ADGRF1: variants seen among roughly 807,000 people sequenced by gnomAD.
The protein encoded by ADGRF1 is G protein-coupled receptor 110.
A neutral mutation model predicts 87.2 loss-of-function variants in ADGRF1; 85 were observed. The ratio of observed to expected loss-of-function variants is 0.97; its 90% CI spans 0.82 to 1.17. The LOEUF is 1.17. Ranked by LOEUF, ADGRF1 falls within the 50% of genes most tolerant of loss-of-function variation. ADGRF1 has a pLI of 0.00. For missense variants in ADGRF1, 1,169 were observed against 1,077.2 expected, an observed-to-expected ratio of 1.09 and a Z score of -1.19; for synonymous variants, 430 against 408.8, an observed-to-expected ratio of 1.05 and a Z score of -0.63.
intron 11 of ADGRF1, among the ~76,000 whole-genome samples, chr6:47,008,077 A>G (rs1779583089): frequency 6.6e-6 from 1 of 152,234 alleles, no homozygotes; most frequent in Non-Finnish European, 1.5e-5. Context: ...ATCTCTATTT[A>G]AAAGATGAGA....
chr6:47,000,440 G>A (rs1339104051), intron 14 of ADGRF1, 145 bp from the exon 15 acceptor site: 3 of 572,086 alleles, frequency 5.2e-6, no homozygotes, highest in Admixed American at 2.9e-5. Context: ...ACTGTGGTTG[G>A]TGGAGAGAAA....
chr6:47,007,402 G>T, intron 11 of ADGRF1, 108 bp from the exon 12 acceptor site: 1 of 653,422 alleles, frequency 1.5e-6, no homozygotes, highest in Non-Finnish European at 2.6e-6. Flanking sequence ...CTGTTTTCTT[G>T]TCTGTCTCCT....
intron 1 of ADGRF1, among the ~76,000 whole-genome samples, chr6:47,039,392 C>A (rs1780674219): frequency 6.6e-6 from 1 of 152,116 alleles, no homozygotes; most frequent in Non-Finnish European, 1.5e-5. Context: ...GGGCATATTC[C>A]ACTTCTATTA....
At chr6:47,034,709 C>G (rs1780537862) in intron 1 of ADGRF1, among the ~76,000 whole-genome samples, 1 of 152,198 alleles carries the variant, frequency 6.6e-6, no homozygotes, top group African/African-American at 2.4e-5. Context: ...TTGGGAACTT[C>G]TGGTTACCGA....
intron 1 of ADGRF1, among the ~76,000 whole-genome samples, chr6:47,032,423 G>A (rs886642991): frequency 2.0e-5 from 3 of 152,148 alleles, no homozygotes; most frequent in African/African-American, 7.2e-5. Flanking sequence ...TGCAATATTT[G>A]CAACATTATT....
chr6:47,006,002 G>C (rs773847360), intron 12 of ADGRF1, 126 bp from the exon 13 acceptor site: 1 of 553,472 alleles, frequency 1.8e-6, no homozygotes. Context: ...AGTAGACCAT[G>C]AATGGATATC....
At position 47,000,160 on chromosome 6, in the gene ADGRF1, A is replaced by G. The variant is rs1054181959; in HGVS notation, c.*62T>C. ...AATACTGAGCATAATTTCTTCATTG[A>G]CATTTGTCTCTAAATGTCAAGTTGT... On this transcript the variant is annotated 3_prime_UTR_variant, in exon 15 of 15. Coordinates refer to ENST00000371253, the MANE Select transcript of ADGRF1 (RefSeq NM_153840.4). 2 of 1,237,604 alleles carry G rather than the reference A, an allele frequency of 1.6e-6. No individual in the cohort carries two copies. The highest frequency in any genetic ancestry group is 2.4e-6 in the Non-Finnish European group (2 of 845,990). The allele number at this position is 1,237,604 out of a possible 1,614,324, so 76.7% of individuals were successfully genotyped here.
chr6:47,025,880 C>G lies in ADGRF1; in HGVS notation c.251G>C (p.Arg84Thr), dbSNP rs1233845818. The G allele has an allele frequency of 6.2e-7, 1 of 1,606,144 alleles. No individual in the cohort carries two copies. The highest frequency in any genetic ancestry group is 2.2e-5 in the East Asian group (1 of 44,810). Reference sequence around the variant, plus strand: ...TGTGGTAGCCTTTGCTCTGATAATTCTAATTAGCCCATGTGACCATAATAA... The same window carrying G: ...TGTGGTAGCCTTTGCTCTGATAATTGTAATTAGCCCATGTGACCATAATAA... The part of the protein sequence containing the change: ...PPLLWSHGLI[R>T]IIRAKATTDC... The change falls in exon 4 of 15, where the codon AGA becomes ACA. Residue 84 changes from arginine to threonine, a missense_variant. Arg to Thr is a moderately conservative substitution (Grantham distance 71, BLOSUM62 -1). Transcript: ENST00000371253.
rs1473229624 is a variant in ADGRF1, at chr6:47,009,556, T to C, written c.1879A>G (p.Met627Val). Reference sequence around the variant, plus strand: ...AAGAGGGACAGGGCTATGTTCACCATGCAAATACGACGTGTGTGAGAGGTT... The same window carrying C: ...AAGAGGGACAGGGCTATGTTCACCACGCAAATACGACGTGTGTGAGAGGTT... ...SQTSHTRRIC[M>V]VNIALSLLIA... Residue 627 changes from methionine to valine, a missense_variant, in exon 11 of 15, where the codon ATG (methionine) becomes GTG (valine). Coordinates refer to ENST00000371253, the MANE Select transcript of ADGRF1 (RefSeq NM_153840.4). 7 of 1,614,142 alleles carry C rather than the reference T, an allele frequency of 4.3e-6. No individual in the cohort carries two copies. The highest frequency in any genetic ancestry group is 1.1e-5 in the South Asian group (1 of 91,072).
At chr6:47,027,420 G>C (rs374946885) in intron 3 of ADGRF1, among the ~76,000 whole-genome samples, 26 of 152,316 alleles carry the variant, frequency 1.7e-4, no homozygotes, top group African/African-American at 4.8e-4. Flanking sequence ...TTTCTGGACT[G>C]GGGCTATGGC....
intron 1 of ADGRF1, among the ~76,000 whole-genome samples, chr6:47,031,971 A>G (rs1195937465): frequency 2.6e-5 from 4 of 152,072 alleles, no homozygotes; most frequent in Admixed American, 2.0e-4. Flanking sequence ...TCAGCTTCCA[A>G]AGTGGGACTA....
At chr6:47,032,959 C>T (rs1010700162) in intron 1 of ADGRF1, among the ~76,000 whole-genome samples, 1 of 152,236 alleles carries the variant, frequency 6.6e-6, no homozygotes, top group South Asian at 2.1e-4. Flanking sequence ...TGCGTGTGTG[C>T]AGGGTCATCA....
At chr6:47,029,873 C>A (rs539434117) in intron 1 of ADGRF1, among the ~76,000 whole-genome samples, 1 of 152,296 alleles carries the variant, frequency 6.6e-6, no homozygotes, top group South Asian at 2.1e-4. Flanking sequence ...TTGGGTAGCT[C>A]AACACAGAAC....
intron 7 of ADGRF1, chr6:47,019,863 G>T: frequency 1.0e-6 from 1 of 984,584 alleles, no homozygotes; most frequent in Non-Finnish European, 1.2e-6. Flanking sequence ...ACAACTTTTG[G>T]AATTAAGGCA....
chr6:47,003,442 G>A (rs965257860), intron 13 of ADGRF1, among the ~76,000 whole-genome samples: 1 of 152,132 alleles, frequency 6.6e-6, no homozygotes, highest in Admixed American at 6.6e-5. Context: ...TTCTGATCCT[G>A]AAGAGATTAG....
chr6:47,000,252 G>T lies in ADGRF1; in HGVS notation c.2703C>A (p.Ile901=). Residue 901 remains isoleucine, a synonymous_variant, in exon 15 of 15, where the codon ATC becomes ATA. Coordinates refer to ENST00000371253, the MANE Select transcript of ADGRF1 (RefSeq NM_153840.4). ...FSHTGDSSDN[I]MLTQFVSNE ...CATTTGAGACAAACTGAGTTAGCAT[G>T]ATGTTGTCGGAGGAATCTCCAGTAT... 2 of 1,608,076 alleles carry T rather than the reference G, an allele frequency of 1.2e-6. No individual in the cohort carries two copies. Among genetic ancestry groups the T allele is most frequent in the Non-Finnish European group, 1.7e-6 (2 of 1,176,422 alleles).
At chr6:47,004,348 A>G (rs1419982999) in intron 13 of ADGRF1, among the ~76,000 whole-genome samples, 2 of 152,226 alleles carry the variant, frequency 1.3e-5, no homozygotes, top group Non-Finnish European at 2.9e-5. Flanking sequence ...TTATTTTAAA[A>G]CAAATGAGCC....
At chr6:47,014,485 C>T (rs34197945) in intron 9 of ADGRF1, 196 bp downstream of exon 9, 385 of 1,332,162 alleles carry the variant, frequency 2.9e-4, no homozygotes, top group Non-Finnish European at 3.5e-4. Flanking sequence ...GAGCTGCAAC[C>T]TAGACTCTGC....
intron 9 of ADGRF1, 147 bp from the exon 10 acceptor site, chr6:47,012,342 T>C (rs920428357): frequency 5.9e-5 from 81 of 1,366,480 alleles, no homozygotes; most frequent in Non-Finnish European, 7.0e-5. Context: ...ACAAAGGCTG[T>C]TATTCAGTGA....
Sources: allele counts gnomAD v4.1 joint callset (sites outside exome capture counted in the v4.1 genomes callset), GRCh38; gene constraint gnomAD v4.1.1; transcripts MANE v1.5; gene names NCBI Gene and HGNC (gene_info 2026-07-23, HGNC 2026-07-21).